The following ANKRD62 variants were observed in gnomAD, a reference collection of about 807,000 sequenced individuals.
ANKRD62 encodes the protein ankyrin repeat domain-containing protein 62.
A neutral mutation model predicts 98.8 loss-of-function variants in ANKRD62; 61 were observed. That is an observed-to-expected ratio of 0.62 (90% CI 0.50 to 0.76). The LOEUF is 0.76. Ranked by LOEUF, ANKRD62 falls within the 30% of genes least tolerant of loss-of-function variation. The pLI is 0.00. For synonymous variants in ANKRD62, 341 were observed against 367.9 expected (o/e 0.93, Z 0.84); for missense variants, 933 against 1,082.9 (o/e 0.86, Z 1.94).
chr18:12,100,680 G>C (rs1909281607), intron 6 of ANKRD62, among the ~76,000 whole-genome samples: 1 of 152,046 alleles, frequency 6.6e-6, no homozygotes, highest in South Asian at 2.1e-4. Flanking sequence ...TCCTTATTGA[G>C]AAGCACAGGC....
downstream of ANKRD62, among the ~76,000 whole-genome samples, chr18:12,134,457 G>C (rs1910050342): frequency 6.6e-6 from 1 of 152,004 alleles, no homozygotes; most frequent in Non-Finnish European, 1.5e-5. Flanking sequence ...CATGCGCCAT[G>C]TTGGTGTGCT....
At chr18:12,119,363 T>TC (rs1311789125) in intron 10 of ANKRD62, among the ~76,000 whole-genome samples, 3 of 129,708 alleles carry the variant, frequency 2.3e-5, no homozygotes, top group Non-Finnish European at 5.1e-5. Context: ...TTTTTTTTTT[T>TC]CTGAAACCAG....
chr18:12,172,776 G>A, the ANKRD62 span, among the ~76,000 whole-genome samples: 1 of 152,170 alleles, frequency 6.6e-6, no homozygotes, highest in Non-Finnish European at 1.5e-5. Context: ...CTTCCCAGCG[G>A]CTTTATTTAC....
rs1474284284 is a variant in ANKRD62, at chr18:12,129,371, C to T, written c.*1432C>T. Reference sequence around the variant, plus strand: ...AGATCCCTGTTGCAACAACTCAACACTACAGTTACAGCACAAAAGTAGCCG... The same window carrying T: ...AGATCCCTGTTGCAACAACTCAACATTACAGTTACAGCACAAAAGTAGCCG... On this transcript the variant is annotated 3_prime_UTR_variant, in exon 14 of 14. Coordinates refer to ENST00000587848, the MANE Select transcript of ANKRD62 (RefSeq NM_001277333.2). 6.6e-6 allele frequency: 1 copy of T among 152,158 alleles called. No individual in the cohort carries two copies. Among genetic ancestry groups the T allele is most frequent in the Admixed American group, 6.5e-5 (1 of 15,280 alleles). The allele number at this position is 152,158 out of a possible 1,614,324, so 9.4% of individuals were successfully genotyped here.
At chr18:12,102,379 G>A (rs1909320344) in intron 6 of ANKRD62, 11 of 592,140 alleles carry the variant, frequency 1.9e-5, no homozygotes, top group South Asian at 1.5e-4. Flanking sequence ...GTAATGCTGA[G>A]ATAGGAGCAG....
the ANKRD62 span, among the ~76,000 whole-genome samples, chr18:12,137,629 G>T: frequency 6.6e-6 from 1 of 152,312 alleles, no homozygotes; most frequent in East Asian, 1.9e-4. Context: ...AATGATACCA[G>T]CTCCTCCTTG....
the ANKRD62 span, among the ~76,000 whole-genome samples, chr18:12,171,605 C>A: frequency 6.6e-6 from 1 of 152,138 alleles, no homozygotes; most frequent in Non-Finnish European, 1.5e-5. Context: ...GTGAATCTGA[C>A]AATTATGTGT....
chr18:12,150,397 T>C, the ANKRD62 span, among the ~76,000 whole-genome samples: 1 of 152,234 alleles, frequency 6.6e-6, no homozygotes, highest in African/African-American at 2.4e-5. Flanking sequence ...ATATTGTCTA[T>C]GACAACTTCC....
chr18:12,115,997 C>T (rs775485497), intron 10 of ANKRD62, among the ~76,000 whole-genome samples: 11 of 152,156 alleles, frequency 7.2e-5, no homozygotes, highest in Non-Finnish European at 1.2e-4. Context: ...GATGACAATG[C>T]TCTAGCTTTA....
At chr18:12,131,794 G>C (rs114227479), downstream of ANKRD62, among the ~76,000 whole-genome samples, 1 of 151,964 alleles carries the variant, frequency 6.6e-6, no homozygotes, top group Admixed American at 6.6e-5. Context: ...TCTGGACTCT[G>C]TTCTGTTCTA....
At chr18:12,102,451 C>T in intron 6 of ANKRD62, 1 of 462,158 alleles carries the variant, frequency 2.2e-6, no homozygotes, top group South Asian at 2.0e-5. Flanking sequence ...GAAGGGTACT[C>T]AGTCTCCAGA....
At chr18:12,152,190 A>T in the ANKRD62 span, among the ~76,000 whole-genome samples, 2 of 150,676 alleles carry the variant, frequency 1.3e-5, no homozygotes, top group South Asian at 4.2e-4. Flanking sequence ...AAAAAAAAAA[A>T]AAAAAAAAAA....
At chr18:12,161,132 T>C in the ANKRD62 span, among the ~76,000 whole-genome samples, 1 of 152,136 alleles carries the variant, frequency 6.6e-6, no homozygotes, top group Non-Finnish European at 1.5e-5. Context: ...CAAACTGAAA[T>C]CAGTGGAAAT....
chr18:12,136,747 T>G, the ANKRD62 span, among the ~76,000 whole-genome samples: 1 of 152,226 alleles, frequency 6.6e-6, no homozygotes, highest in Non-Finnish European at 1.5e-5. Flanking sequence ...TTTGTTCTCC[T>G]TGAAGAGGTC....
chr18:12,145,904 G>A, the ANKRD62 span, among the ~76,000 whole-genome samples: 2 of 152,168 alleles, frequency 1.3e-5, no homozygotes, highest in Non-Finnish European at 1.5e-5. Context: ...GCGTGTCCTG[G>A]ATCCCGTTTC....
At chr18:12,139,923 A>G in the ANKRD62 span, among the ~76,000 whole-genome samples, 1 of 152,176 alleles carries the variant, frequency 6.6e-6, no homozygotes, top group African/African-American at 2.4e-5. Context: ...GTTCTCCGGG[A>G]TAATATCCTG....
intron 6 of ANKRD62, chr18:12,101,959 C>CTG: frequency 1.1e-6 from 1 of 910,232 alleles, no homozygotes; most frequent in East Asian, 2.4e-5. Flanking sequence ...AAGAGGCATA[C>CTG]ATCAGTTCTT....
At chr18:12,159,092 TG>T in the ANKRD62 span, among the ~76,000 whole-genome samples, 1 of 152,156 alleles carries the variant, frequency 6.6e-6, no homozygotes, top group Non-Finnish European at 1.5e-5. Context: ...AACGACCTAT[TG>T]AGTTTAATTT....
the ANKRD62 span, among the ~76,000 whole-genome samples, chr18:12,175,273 C>T: frequency 2.6e-5 from 4 of 152,078 alleles, no homozygotes; most frequent in Non-Finnish European, 4.4e-5. Flanking sequence ...TTCACTCCCA[C>T]GGCAGTGTTG....
Sources: allele counts gnomAD v4.1 joint callset (sites outside exome capture counted in the v4.1 genomes callset), GRCh38; gene constraint gnomAD v4.1.1; transcripts MANE v1.5; gene names NCBI Gene and HGNC (gene_info 2026-07-23, HGNC 2026-07-21).